STAT4: variants seen among roughly 807,000 people sequenced by gnomAD.
STAT4 encodes signal transducer and activator of transcription 4.
A neutral mutation model predicts 110.5 loss-of-function variants in STAT4; 42 were observed. The ratio of observed to expected loss-of-function variants is 0.38; its 90% CI spans 0.30 to 0.49. The LOEUF (loss-of-function observed/expected upper bound fraction) is 0.49. STAT4 is among the 20% of genes least tolerant of loss of function. The probability of loss-of-function intolerance (pLI) is 0.95; values close to 1 mark genes in which losing one functional copy is unlikely to be tolerated. For missense variants in STAT4, 632 were observed against 887.9 expected, an observed-to-expected ratio of 0.71 and a Z score of 3.66; for synonymous variants, 284 against 302.2, an observed-to-expected ratio of 0.94 and a Z score of 0.63.
intron 3 of STAT4, among the ~76,000 whole-genome samples, chr2:191,141,541 A>G (rs1045294039): frequency 1.4e-5 from 2 of 143,700 alleles, no homozygotes; most frequent in Non-Finnish European, 3.0e-5. Context: ...TACATATATG[A>G]TATATATATT....
At chr2:191,063,709 T>A (rs1485517637) in intron 8 of STAT4, among the ~76,000 whole-genome samples, 1 of 152,218 alleles carries the variant, frequency 6.6e-6, no homozygotes, top group East Asian at 1.9e-4. Context: ...TGATTTGGGG[T>A]ATGAGCTCCA....
At chr2:191,065,295 A>AT (rs1696958567) in intron 7 of STAT4, among the ~76,000 whole-genome samples, 1 of 152,138 alleles carries the variant, frequency 6.6e-6, no homozygotes, top group Admixed American at 6.6e-5. Flanking sequence ...TATGTAATTT[A>AT]TTTTTTAATA....
intron 3 of STAT4, among the ~76,000 whole-genome samples, chr2:191,131,315 G>C (rs116321102): frequency 6.6e-6 from 1 of 151,700 alleles, no homozygotes; most frequent in African/African-American, 2.4e-5. Context: ...AGGAAATAAC[G>C]CAAATGCCCA....
chr2:191,073,688 T>TCAAACAAA (rs35290875), intron 4 of STAT4, among the ~76,000 whole-genome samples: 63 of 151,016 alleles, frequency 4.2e-4, no homozygotes, highest in South Asian at 2.3e-3. Context: ...AGACTCCGTC[T>TCAAACAAA]CAAACAAACA....
chr2:191,048,788 CAAAAAAAAAAAAAAAAAAA>C (rs60267174), intron 14 of STAT4, among the ~76,000 whole-genome samples: 1 of 48,794 alleles, frequency 2.0e-5, no homozygotes, highest in African/African-American at 1.0e-4. Context: ...AACTCCATCT[CAAAAAAAAAAAAAAAAAAA>C]AAAAAAAAAA....
At chr2:191,075,365 T>C (rs1017504786) in intron 4 of STAT4, among the ~76,000 whole-genome samples, 20 of 151,970 alleles carry the variant, frequency 1.3e-4, no homozygotes, top group African/African-American at 4.8e-4. Context: ...TCCAGGAAAA[T>C]GGGATAAAAT....
intron 3 of STAT4, among the ~76,000 whole-genome samples, chr2:191,093,194 G>A (rs946244769): frequency 2.6e-5 from 4 of 152,174 alleles, no homozygotes; most frequent in African/African-American, 9.6e-5. Context: ...AGAGAGCAGT[G>A]GTTCTCCCAG....
intron 8 of STAT4, among the ~76,000 whole-genome samples, chr2:191,063,262 C>T (rs3024925): frequency 1.1e-4 from 17 of 152,064 alleles, no homozygotes; most frequent in Non-Finnish European, 1.9e-4. Flanking sequence ...AAAAATGTGG[C>T]GCTCACTAAA....
In STAT4 at chr2:191,035,371, G is replaced by A. The variant is rs1696014840; in HGVS notation, c.1571-774C>T. Among the ~76,000 whole-genome samples the A allele has an allele frequency of 6.6e-6, 1 of 152,214 alleles. No individual in the cohort carries two copies. The highest frequency in any genetic ancestry group is 2.4e-5 in the African/African-American group (1 of 41,450). On this transcript the variant is annotated intron_variant, in intron 17 of 23. Transcript: ENST00000392320. This position sits in a 1 kb window ranked among gnomAD's most constrained non-coding sequence, Gnocchi z 4.7. Reference sequence around the variant, plus strand: ...TTAGGTACCTATTGATCCAAGAGTAGATGCAAGTGGCAAGCATCCCAGCAC... The same window carrying A: ...TTAGGTACCTATTGATCCAAGAGTAAATGCAAGTGGCAAGCATCCCAGCAC...
At chr2:191,075,002 A>T (rs1407611514) in intron 4 of STAT4, among the ~76,000 whole-genome samples, 2 of 152,156 alleles carry the variant, frequency 1.3e-5, no homozygotes, top group Non-Finnish European at 2.9e-5. Flanking sequence ...TCTACTAAAA[A>T]TACAAAACTT....
intron 16 of STAT4, among the ~76,000 whole-genome samples, chr2:191,038,858 C>G (rs1696113625): frequency 6.6e-6 from 1 of 152,150 alleles, no homozygotes; most frequent in Non-Finnish European, 1.5e-5. Context: ...AAGGTGGGAC[C>G]AGAGCAGCTG....
In STAT4 at chr2:191,143,288, T is replaced by C. The variant is rs1699381858; in HGVS notation, c.273+3325A>G. On this transcript the variant is annotated intron_variant, in intron 3 of 23. Coordinates refer to ENST00000392320, the MANE Select transcript of STAT4 (RefSeq NM_003151.4). This position sits in a 1 kb window ranked among gnomAD's most constrained non-coding sequence, Gnocchi z 5.6. ...CAGGTTTTAGAATCAATTATCTCCA[T>C]ACTCCTAACATTTCTGTGAGGAAAG... is the stretch of plus-strand genomic sequence containing the variant. Among the ~76,000 whole-genome samples the C allele has an allele frequency of 6.6e-6, 1 of 152,236 alleles. No individual in the cohort carries two copies. The highest frequency in any genetic ancestry group is 2.1e-4 in the South Asian group (1 of 4,836).
At chr2:191,109,035 GCA>G (rs943798054) in intron 3 of STAT4, among the ~76,000 whole-genome samples, 3 of 152,060 alleles carry the variant, frequency 2.0e-5, no homozygotes, top group African/African-American at 7.2e-5. Context: ...TTTATCAAAG[GCA>G]CTTGCCAACT....
intron 3 of STAT4, among the ~76,000 whole-genome samples, chr2:191,114,029 A>G (rs1353793842): frequency 6.6e-6 from 1 of 152,210 alleles, no homozygotes; most frequent in Non-Finnish European, 1.5e-5. Flanking sequence ...GATGTGATAT[A>G]CAGGAAGCTG....
At chr2:191,109,256 C>T (rs1698361433) in intron 3 of STAT4, among the ~76,000 whole-genome samples, 2 of 151,954 alleles carry the variant, frequency 1.3e-5, no homozygotes, top group Admixed American at 6.6e-5. Flanking sequence ...TTCAAAGAAA[C>T]TTATAAAATA....
chr2:191,146,742 G>T lies in STAT4; in HGVS notation c.144C>A (p.Asn48Lys). 3 of 1,549,102 alleles carry T rather than the reference G, an allele frequency of 1.9e-6. No homozygotes were observed. Among genetic ancestry groups the T allele is most frequent in the South Asian group, 1.3e-5 (1 of 79,672 alleles). The change falls in exon 3 of 24, where the codon AAC becomes AAA. Residue 48 changes from asparagine (N) to lysine (K), a missense_variant. This residue lies in a region of STAT4 where 488 missense variants were observed against 632.8 expected (regional missense o/e 0.77). Coordinates refer to ENST00000392320, the MANE Select transcript of STAT4 (RefSeq NM_003151.4). The surrounding 1 kb of genome is among the most constrained non-coding windows in gnomAD (Gnocchi z 4.5). The part of the protein sequence containing the change: ...IENQDWEAAS[N>K]NETMATILLQ... ...GAAGAATCGTTGCCATGGTTTCATTGTTAGAAGCTGCCTCCCTAAAAAAAA... is the reference window on the plus strand; with the variant it reads ...GAAGAATCGTTGCCATGGTTTCATTTTTAGAAGCTGCCTCCCTAAAAAAAA...
chr2:191,119,445 G>A (rs1024635778), intron 3 of STAT4, among the ~76,000 whole-genome samples: 3 of 152,144 alleles, frequency 2.0e-5, no homozygotes, highest in African/African-American at 7.2e-5. Context: ...CATTTCCAGA[G>A]GGCTAGTTAA....
Position 191,030,857 on chromosome 2 carries a change from C to T in STAT4, c.2220+115G>A. On this transcript the variant is annotated intron_variant, in intron 23 of 23. Coordinates refer to ENST00000392320, the MANE Select transcript of STAT4 (RefSeq NM_003151.4). The surrounding 1 kb of genome is among the most constrained non-coding windows in gnomAD (Gnocchi z 4.4). The stretch of plus-strand genomic sequence containing the variant: ...TTTGTGTTATGCTCATGAATTTGTT[C>T]CAATAAATGTGTTTTCTCCCTACCC... 1.1e-6 allele frequency: 1 copy of T among 904,522 alleles called. No individual in the cohort carries two copies. Among genetic ancestry groups the T allele is most frequent in the Non-Finnish European group, 1.8e-6 (1 of 566,022 alleles). 56.0% of individuals were successfully genotyped at this position (904,522 alleles called of 1,614,324 possible).
At position 191,031,893 on chromosome 2, in the gene STAT4, A is replaced by T. The variant is rs1207776835; in HGVS notation, c.2045-377T>A. On this transcript the variant is annotated intron_variant, in intron 21 of 23. Transcript: ENST00000392320. This position sits in a 1 kb window ranked among gnomAD's most constrained non-coding sequence, Gnocchi z 4.8. ...CCCAGTTCTTTTCATTAAAATTGACACCAATCAGAATCTTATGATTGCAAA... is the reference window on the plus strand; with the variant it reads ...CCCAGTTCTTTTCATTAAAATTGACTCCAATCAGAATCTTATGATTGCAAA... 6.6e-6 allele frequency among the ~76,000 whole-genome samples: 1 copy of T among 152,206 alleles called. No homozygotes were observed. The highest frequency in any genetic ancestry group is 1.5e-5 in the Non-Finnish European group (1 of 68,030).
Sources: gnomAD v4.1 joint callset for allele counts (sites outside exome capture counted in the v4.1 genomes callset) on GRCh38, gnomAD v4.1.1 for gene constraint, gnomAD v4.1.1 regional missense constraint, Gnocchi (gnomAD v3.1) non-coding constraint, MANE v1.5 for transcripts, NCBI Gene and HGNC (gene_info 2026-07-23, HGNC 2026-07-21) for gene names.